DHRSX: variants seen among roughly 807,000 people sequenced by gnomAD.
The protein encoded by DHRSX is polyprenol dehydrogenase.
In DHRSX, 31 loss-of-function variants were observed where a neutral mutation model predicts 34.0. The ratio of observed to expected loss-of-function variants is 0.91; its 90% CI spans 0.69 to 1.23. The LOEUF (loss-of-function observed/expected upper bound fraction) is 1.23, where lower values mean the gene tolerates loss of function less well. DHRSX is among the 50% of genes most tolerant of loss of function. DHRSX has a pLI of 0.00. For synonymous variants in DHRSX, 201 were observed against 183.8 expected (o/e 1.09, Z -0.76); for missense variants, 414 against 428.1 (o/e 0.97, Z 0.29).
At chrX:2,325,459 A>C (rs1436874134) in intron 3 of DHRSX, among the ~76,000 whole-genome samples, 2 of 152,196 alleles carry the variant, frequency 1.3e-5, no homozygotes, top group Admixed American at 1.3e-4. Context: ...GACACGTTCA[A>C]GACAGTGGCT....
At chrX:2,493,075 A>G (rs2045196910) in intron 1 of DHRSX, among the ~76,000 whole-genome samples, 1 of 152,194 alleles carries the variant, frequency 6.6e-6, no homozygotes, top group Non-Finnish European at 1.5e-5. Flanking sequence ...CCACTTCCCA[A>G]GACTGGGGTG....
chrX:2,240,648 C>T (rs1385830554), intron 6 of DHRSX, among the ~76,000 whole-genome samples: 2 of 151,914 alleles, frequency 1.3e-5, no homozygotes, highest in Admixed American at 6.6e-5. Context: ...GAGTTAGAAT[C>T]GCTCTTCCGA....
intron 1 of DHRSX, among the ~76,000 whole-genome samples, chrX:2,481,513 A>T (rs2044770649): frequency 1.3e-5 from 2 of 151,972 alleles, no homozygotes; most frequent in South Asian, 4.2e-4. Flanking sequence ...GAAAAATATA[A>T]AAATTAGCTG....
Position 2,306,699 on chromosome X carries a change from G to C in DHRSX, c.287-15096C>G, listed in dbSNP as rs73185787. Among the ~76,000 whole-genome samples the C allele has an allele frequency of 4.6e-5, 7 of 151,948 alleles. No homozygotes were observed. The East Asian group carries it at 1.4e-3, about 29-fold the overall frequency. ...ACTGCTGGATTCTGTTTGCTAGTAT[G>C]TGGTTGAGCATTTGTGCGTCTATCT... is the stretch of plus-strand genomic sequence containing the variant. On this transcript the variant is annotated intron_variant, in intron 3 of 6. Coordinates refer to ENST00000334651, the MANE Select transcript of DHRSX (RefSeq NM_145177.3).
rs1198559855 is a variant in DHRSX, at chrX:2,367,417, G to C, written c.286+41328C>G. Among the ~76,000 whole-genome samples, 6 of 142,044 alleles carry C rather than the reference G, an allele frequency of 4.2e-5. No individual in the cohort carries two copies. In the Admixed American group the frequency reaches 4.5e-4, roughly 11 times the overall value. The allele number at this position is 142,044 out of a possible 152,430, so 93.2% of individuals were successfully genotyped here. A position where few individuals can be genotyped will look rare whatever the true frequency, so the allele number is the denominator to read the frequency against. ...TGTGCCACTGCACTCCAGCCTGGGAGATAGAGCAAGACTGTCTCAAAAAAA... is the reference window on the plus strand; with the variant it reads ...TGTGCCACTGCACTCCAGCCTGGGACATAGAGCAAGACTGTCTCAAAAAAA... On this transcript the variant is annotated intron_variant, in intron 3 of 6. Coordinates refer to ENST00000334651, the MANE Select transcript of DHRSX (RefSeq NM_145177.3).
chrX:2,284,318 A>T (rs1411690258), intron 4 of DHRSX, among the ~76,000 whole-genome samples: 1 of 152,110 alleles, frequency 6.6e-6, no homozygotes, highest in Non-Finnish European at 1.5e-5. Flanking sequence ...ATTTGCATTC[A>T]TTCATTCCTC....
chrX:2,248,289 T>G (rs1390417766), intron 5 of DHRSX, among the ~76,000 whole-genome samples: 2 of 151,834 alleles, frequency 1.3e-5, no homozygotes, highest in Non-Finnish European at 2.9e-5. Flanking sequence ...AAAAATTAAC[T>G]GGGTGTGGTG....
intron 1 of DHRSX, among the ~76,000 whole-genome samples, chrX:2,460,569 C>T (rs190761334): frequency 0.034 from 4,935 of 143,730 alleles, 89 homozygotes; most frequent in South Asian, 0.069. Flanking sequence ...CACACGTGTG[C>T]CACCACGTCT....
chrX:2,225,775 G>C (rs766415690), intron 6 of DHRSX, among the ~76,000 whole-genome samples: 4 of 151,676 alleles, frequency 2.6e-5, no homozygotes, highest in Middle Eastern at 3.4e-3. Flanking sequence ...CCAGGAGAGA[G>C]ACCTCAGGAG....
At position 2,423,747 on chromosome X, in the gene DHRSX, A is replaced by C. The variant is rs776955953; in HGVS notation, c.217+1450T>G. 4.5e-3 allele frequency among the ~76,000 whole-genome samples: 681 copies of C among 150,138 alleles called. 3 individuals carry two copies. Among genetic ancestry groups the C allele is most frequent in the African/African-American group, 0.016 (655 of 40,682 alleles). On this transcript the variant is annotated intron_variant, in intron 2 of 6. Transcript: ENST00000334651. ...CTCTCTCCCCTCCTCCCCGCCCCCC[A>C]CTCCGTCTCCATTGGCAGTAGTGGA...
chrX:2,246,139 C>T (rs73628249), intron 5 of DHRSX, among the ~76,000 whole-genome samples: 4,296 of 152,014 alleles, frequency 0.028, 225 homozygotes, highest in African/African-American at 0.098. Flanking sequence ...GTTCACAAAG[C>T]CATCTCAGAT....
At chrX:2,490,251 C>T (rs755447695) in intron 1 of DHRSX, 15 of 1,613,898 alleles carry the variant, frequency 9.3e-6, no homozygotes, top group East Asian at 8.9e-5. Context: ...TACCGGGGGT[C>T]GGCCGTCTTC....
At chrX:2,476,242 A>C (rs991140838) in intron 1 of DHRSX, among the ~76,000 whole-genome samples, 22 of 152,068 alleles carry the variant, frequency 1.4e-4, no homozygotes, top group East Asian at 7.7e-4. Context: ...ACACACACAA[A>C]AAAAAATTAG....
At position 2,357,015 on chromosome X, in the gene DHRSX, G is replaced by A. The variant is rs989635170; in HGVS notation, c.286+51730C>T. ...TCCCAGCACTTTGGGAGGCCAAAGT[G>A]GGTGGATCACCTGAGGTCACAAGTT... On this transcript the variant is annotated intron_variant, in intron 3 of 6. Transcript: ENST00000334651. Among the ~76,000 whole-genome samples, 23 of 152,092 alleles carry A rather than the reference G, an allele frequency of 1.5e-4. 2 individuals are homozygous for A. The highest frequency in any genetic ancestry group is 1.4e-3 in the Admixed American group (22 of 15,254).
intron 6 of DHRSX, among the ~76,000 whole-genome samples, chrX:2,238,907 A>AATGCATGC (rs762797349): frequency 3.9e-4 from 60 of 152,014 alleles, no homozygotes; most frequent in African/African-American, 1.4e-3. Context: ...CTTAATATAC[A>AATGCATGC]ATGCATGCAT....
At chrX:2,310,364 A>G (rs1392647880) in intron 3 of DHRSX, among the ~76,000 whole-genome samples, 2 of 152,108 alleles carry the variant, frequency 1.3e-5, no homozygotes, top group Non-Finnish European at 2.9e-5. Flanking sequence ...TCTCATTTCT[A>G]TATATTTATC....
intron 2 of DHRSX, among the ~76,000 whole-genome samples, chrX:2,410,707 T>C (rs2124638668): frequency 6.6e-6 from 1 of 152,316 alleles, no homozygotes; most frequent in African/African-American, 2.4e-5. Context: ...ATGAAAATGT[T>C]TTCAGCAAAG....
chrX:2,266,686 ATAACCTT>A, intron 5 of DHRSX, 47 bp downstream of exon 5: 1 of 1,558,654 alleles, frequency 6.4e-7, no homozygotes, highest in East Asian at 2.2e-5. Context: ...AGGGAGATGA[ATAACCTT>A]TAACCCACCT....
intron 5 of DHRSX, among the ~76,000 whole-genome samples, chrX:2,254,653 T>A (rs1044284482): frequency 6.6e-6 from 1 of 152,160 alleles, no homozygotes; most frequent in Admixed American, 6.6e-5. Context: ...TTTTTTTGTT[T>A]GTTTGTTTTT....
Sources: gnomAD v4.1 joint callset for allele counts (sites outside exome capture counted in the v4.1 genomes callset) on GRCh38, gnomAD v4.1.1 for gene constraint, MANE v1.5 for transcripts, NCBI Gene and HGNC (gene_info 2026-07-23, HGNC 2026-07-21) for gene names.